POC1B: variants seen among roughly 807,000 people sequenced by gnomAD.
The protein encoded by POC1B is POC1 centriolar protein B, also known as POC1 centriolar protein homolog B.
POC1B carries 44 observed loss-of-function variants against 60.6 expected under a neutral mutation model. The observed-to-expected ratio is 0.73, with a 90% confidence interval of 0.57 to 0.93. The LOEUF is 0.93. POC1B is among the 40% of genes least tolerant of loss of function. POC1B has a pLI of 0.00. For missense variants in POC1B, 555 were observed against 572.3 expected, an observed-to-expected ratio of 0.97 and a Z score of 0.31; for synonymous variants, 180 against 198.9, an observed-to-expected ratio of 0.90 and a Z score of 0.80.
chr12:89,436,721 A>C (rs1467083631), intron 10 of POC1B, among the ~76,000 whole-genome samples: 2 of 152,170 alleles, frequency 1.3e-5, no homozygotes, highest in African/African-American at 2.4e-5. Flanking sequence ...CTCAAAAAAA[A>C]AACAACCAAA....
At chr12:89,468,243 T>C (rs891361744) in intron 7 of POC1B, among the ~76,000 whole-genome samples, 3 of 152,152 alleles carry the variant, frequency 2.0e-5, no homozygotes, top group African/African-American at 4.8e-5. Context: ...AGATGCTTGG[T>C]TGGAGGCCAG....
intron 4 of POC1B, among the ~76,000 whole-genome samples, chr12:89,486,069 C>T (rs1592620021): frequency 6.6e-6 from 1 of 152,180 alleles, no homozygotes; most frequent in Admixed American, 6.5e-5. Context: ...CTTGTTACCC[C>T]CTACATCATT....
intron 2 of POC1B, among the ~76,000 whole-genome samples, chr12:89,499,521 A>G (rs1402194452): frequency 1.4e-4 from 14 of 98,350 alleles, no homozygotes; most frequent in Non-Finnish European, 7.5e-5. Flanking sequence ...TTATTGAAAG[A>G]AAAAAAAAAC....
intron 2 of POC1B, chr12:89,502,780 G>GT (rs1251224439): frequency 1.3e-5 from 17 of 1,311,476 alleles, no homozygotes; most frequent in South Asian, 5.3e-5. Context: ...AGGATATATT[G>GT]TTTTTTTATG....
intron 10 of POC1B, among the ~76,000 whole-genome samples, chr12:89,446,805 G>T (rs1881811385): frequency 6.6e-6 from 1 of 152,004 alleles, no homozygotes; most frequent in Non-Finnish European, 1.5e-5. Context: ...GCTAGAACAT[G>T]TGCATGAAAT....
In POC1B at chr12:89,459,610, CAA is replaced by C. The variant is rs35166321; in HGVS notation, c.1113+26_1113+27del. ...AAATGATTAAATGCCACTTAAGTGT[CAA>C]AAAAAAAAAAAAAAACCCGACTTAC... On this transcript the variant is annotated intron_variant, in intron 10 of 11. Transcript: ENST00000313546. 6.0e-3 allele frequency: 5,240 copies of C among 874,328 alleles called. 1 individual carries two copies. Among genetic ancestry groups the C allele is most frequent in the South Asian group, 0.017 (592 of 35,260 alleles). 54.2% of individuals were successfully genotyped at this position (874,328 alleles called of 1,614,324 possible).
At chr12:89,403,342 T>C in the POC1B span, among the ~76,000 whole-genome samples, 2 of 152,270 alleles carry the variant, frequency 1.3e-5, no homozygotes, top group East Asian at 3.9e-4. Context: ...AGGTTTTCAA[T>C]GCCTCAATTT....
intron 10 of POC1B, among the ~76,000 whole-genome samples, chr12:89,452,726 C>T (rs1393756088): frequency 2.0e-5 from 3 of 152,172 alleles, no homozygotes; most frequent in South Asian, 4.1e-4. Context: ...CTGGCTTTCA[C>T]TGTTAATCTT....
chr12:89,415,204 T>A (rs1880343452), downstream of POC1B, among the ~76,000 whole-genome samples: 1 of 152,258 alleles, frequency 6.6e-6, no homozygotes, highest in Admixed American at 6.5e-5. Context: ...TTTTGTTAAA[T>A]TTTTAAAAAT....
At chr12:89,431,163 T>G (rs184877080) in intron 10 of POC1B, among the ~76,000 whole-genome samples, 196 of 152,246 alleles carry the variant, frequency 1.3e-3, no homozygotes, top group Non-Finnish European at 2.1e-3. Flanking sequence ...ACTTTAGATA[T>G]ACATTCAATC....
At chr12:89,437,529 CT>C (rs1881319362) in intron 10 of POC1B, among the ~76,000 whole-genome samples, 1 of 152,154 alleles carries the variant, frequency 6.6e-6, no homozygotes, top group African/African-American at 2.4e-5. Context: ...TCAAGTATCA[CT>C]CACTTTTGGG....
rs1880524503 is a variant in POC1B, at chr12:89,421,320, A to ATC, written c.1333-65_1333-64dup. On this transcript the variant is annotated intron_variant, in intron 11 of 11. Transcript: ENST00000313546. ...TCTGGTGGTGAGGATGACAATGACA[A>ATC]TCTCTGCATAGGAAATCCTTTTAAG... The ATC allele has an allele frequency of 1.8e-5, 24 of 1,342,654 alleles. No homozygotes were observed. The East Asian group carries it at 5.8e-4, about 33-fold the overall frequency. The allele number at this position is 1,342,654 out of a possible 1,614,324, so 83.2% of individuals were successfully genotyped here.
intron 9 of POC1B, among the ~76,000 whole-genome samples, chr12:89,465,990 T>C (rs1358365098): frequency 2.0e-5 from 3 of 152,208 alleles, no homozygotes; most frequent in Non-Finnish European, 4.4e-5. Context: ...GAACAGTGAA[T>C]GCGGCTACCG....
chr12:89,433,166 A>ATT (rs201980815), intron 10 of POC1B, among the ~76,000 whole-genome samples: 2 of 152,062 alleles, frequency 1.3e-5, no homozygotes, highest in African/African-American at 4.8e-5. Context: ...CTAAGCAACA[A>ATT]TTTTTTTTAG....
Position 89,491,922 on chromosome 12 carries a change from T to C in POC1B, c.452+14A>G. 1 of 1,473,886 alleles carries C rather than the reference T, an allele frequency of 6.8e-7. No homozygotes were observed. The highest frequency in any genetic ancestry group is 9.0e-7 in the Non-Finnish European group (1 of 1,109,436). 91.3% of individuals were successfully genotyped at this position (1,473,886 alleles called of 1,614,324 possible). On this transcript the variant is annotated intron_variant, in intron 4 of 11. Transcript: ENST00000313546. ...AATATGTGGACATCTTAATATGAAA[T>C]TTTTTGCACTTACTTGGCACAGCGT...
chr12:89,456,528 A>G (rs1267335920), intron 10 of POC1B, among the ~76,000 whole-genome samples: 1 of 152,222 alleles, frequency 6.6e-6, no homozygotes, highest in African/African-American at 2.4e-5. Context: ...CTTGAACTAA[A>G]TAATCTTTAG....
intron 10 of POC1B, among the ~76,000 whole-genome samples, chr12:89,445,686 C>T (rs529391892): frequency 2.0e-5 from 3 of 152,318 alleles, no homozygotes; most frequent in African/African-American, 7.2e-5. Context: ...CCATTCAGGA[C>T]ATAGGCATGG....
intron 7 of POC1B, among the ~76,000 whole-genome samples, chr12:89,469,966 C>T (rs1168742355): frequency 1.3e-5 from 2 of 151,854 alleles, no homozygotes; most frequent in Non-Finnish European, 2.9e-5. Context: ...CTCCTGGGTT[C>T]AAGTGATGCC....
chr12:89,500,243 T>A, intron 2 of POC1B: 1 of 1,568,524 alleles, frequency 6.4e-7, no homozygotes, highest in Admixed American at 1.8e-5. Flanking sequence ...TGCCAATGAT[T>A]TTAGCACAAA....
Sources: allele counts gnomAD v4.1 joint callset (sites outside exome capture counted in the v4.1 genomes callset), GRCh38; gene constraint gnomAD v4.1.1; transcripts MANE v1.5; gene names NCBI Gene and HGNC (gene_info 2026-07-23, HGNC 2026-07-21).